Variants in ANKRD44 observed in about 807,000 individuals in gnomAD.
ANKRD44 encodes the protein ankyrin repeat domain 44.
In ANKRD44, 35 loss-of-function variants were observed where a neutral mutation model predicts 116.0. The ratio of observed to expected loss-of-function variants is 0.30; its 90% CI spans 0.23 to 0.40. ANKRD44 has a LOEUF of 0.40. Among genes scored for constraint, ANKRD44 ranks in the 10% least tolerant of loss-of-function variants. The probability of loss-of-function intolerance (pLI) is 1.00; values close to 1 mark genes in which losing one functional copy is unlikely to be tolerated. For synonymous variants in ANKRD44, 435 were observed against 461.8 expected, an observed-to-expected ratio of 0.94 and a Z score of 0.74; for missense variants, 1,014 against 1,242.6, an observed-to-expected ratio of 0.82 and a Z score of 2.77.
intron 1 of ANKRD44, among the ~76,000 whole-genome samples, chr2:197,260,184 T>C: frequency 6.6e-6 from 1 of 152,146 alleles, no homozygotes; most frequent in Non-Finnish European, 1.5e-5. Flanking sequence ...GCTGCACCCA[T>C]TAACTCGTCA....
intron 23 of ANKRD44, among the ~76,000 whole-genome samples, chr2:197,000,215 T>C (rs1234377041): frequency 6.6e-6 from 1 of 152,062 alleles, no homozygotes; most frequent in Admixed American, 6.5e-5. Context: ...TAAATAACAG[T>C]GTATAGTAGC....
Position 196,979,554 on chromosome 2 carries a change from CTTTTTTT to C in ANKRD44, c.2369-12115_2369-12109del, listed in dbSNP as rs71012942. ...CAGCCTGAGTAATTTAATAAGATGA[CTTTTTTT>C]TTTTTTTTTTTTTTTTTTTAAGACA... On this transcript the variant is annotated intron_variant, in intron 21 of 21. Coordinates refer to the ANKRD44 transcript ENST00000424317. Among the ~76,000 whole-genome samples, 13 of 59,636 alleles carry C rather than the reference CTTTTTTT, an allele frequency of 2.2e-4. No individual in the cohort carries two copies. The East Asian group carries it at 3.9e-3, about 18-fold the overall frequency. 39.1% of individuals were successfully genotyped at this position (59,636 alleles called of 152,430 possible). A position where few individuals can be genotyped will look rare whatever the true frequency, so the allele number is the denominator to read the frequency against.
intron 1 of ANKRD44, chr2:197,198,977 C>T (rs1351726482): frequency 1.3e-5 from 2 of 152,230 alleles, no homozygotes; most frequent in Admixed American, 1.3e-4. Context: ...GGAAGTTCTG[C>T]AGCACTGGCT....
At chr2:197,246,232 G>A (rs2082187663) in intron 1 of ANKRD44, among the ~76,000 whole-genome samples, 1 of 151,762 alleles carries the variant, frequency 6.6e-6, no homozygotes. Flanking sequence ...TGTCACCCAG[G>A]CTGGAGTACA....
At chr2:197,241,919 T>C (rs1033535812) in intron 1 of ANKRD44, among the ~76,000 whole-genome samples, 14 of 152,164 alleles carry the variant, frequency 9.2e-5, no homozygotes, top group African/African-American at 3.4e-4. Flanking sequence ...ACAATATTAA[T>C]CTTAAAAATA....
intron 1 of ANKRD44, among the ~76,000 whole-genome samples, chr2:197,287,694 G>A (rs1354030275): frequency 6.6e-6 from 1 of 152,074 alleles, no homozygotes; most frequent in African/African-American, 2.4e-5. Flanking sequence ...GAGATCTGGG[G>A]ACTTCTTAGC....
downstream of ANKRD44, among the ~76,000 whole-genome samples, chr2:196,984,268 TATAA>T (rs1386536419): frequency 6.6e-6 from 1 of 152,102 alleles, no homozygotes; most frequent in African/African-American, 2.4e-5. Context: ...CGCTTGGAAC[TATAA>T]ATACTCTAGT....
chr2:197,247,691 G>A (rs1374089493), intron 1 of ANKRD44, among the ~76,000 whole-genome samples: 2 of 152,102 alleles, frequency 1.3e-5, no homozygotes, highest in Admixed American at 6.5e-5. Flanking sequence ...AAAGATGATG[G>A]GAACACCCAA....
intron 1 of ANKRD44, among the ~76,000 whole-genome samples, chr2:197,249,954 G>A (rs2082279568): frequency 6.6e-6 from 1 of 152,192 alleles, no homozygotes. Context: ...ATTCTTTGTG[G>A]TGGCATAATT....
chr2:197,255,547 G>T (rs1234910845), intron 1 of ANKRD44, among the ~76,000 whole-genome samples: 4 of 152,232 alleles, frequency 2.6e-5, no homozygotes, highest in African/African-American at 9.6e-5. Context: ...AACATGACTT[G>T]CATTAAACAT....
intron 1 of ANKRD44, among the ~76,000 whole-genome samples, chr2:197,309,660 C>T (rs2084182162): frequency 6.6e-6 from 1 of 152,138 alleles, no homozygotes; most frequent in Admixed American, 6.5e-5. Context: ...CTTTCACTAC[C>T]CACGAATAAA....
chr2:197,111,395 C>A (rs1292037753), intron 8 of ANKRD44, among the ~76,000 whole-genome samples: 1 of 152,212 alleles, frequency 6.6e-6, no homozygotes, highest in Non-Finnish European at 1.5e-5. Flanking sequence ...GTAATCCCAG[C>A]ACTTTGGGAG....
At chr2:197,206,738 A>G (rs924870295) in intron 1 of ANKRD44, among the ~76,000 whole-genome samples, 2 of 152,178 alleles carry the variant, frequency 1.3e-5, no homozygotes, top group Non-Finnish European at 2.9e-5. Context: ...AACAAAAAGC[A>G]TTTTGGTTGA....
rs781752269 is a variant in ANKRD44 at position 196,989,013 on chromosome 2, G to A, written c.*578C>T. 1 of 985,332 alleles carries A rather than the reference G, an allele frequency of 1.0e-6. No homozygotes were observed. The highest frequency in any genetic ancestry group is 1.7e-5 in the African/African-American group (1 of 57,226). The allele number at this position is 985,332 out of a possible 1,614,324, so 61.0% of individuals were successfully genotyped here. ...TACAGACTGTGGCTGAGCAGTAGAA[G>A]ATGCGTAGCCCTCTCTAACCAACGC... On this transcript the variant is annotated 3_prime_UTR_variant, in exon 28 of 28. Coordinates refer to ENST00000282272, the MANE Select transcript of ANKRD44 (RefSeq NM_001195144.2).
intron 1 of ANKRD44, among the ~76,000 whole-genome samples, chr2:197,283,455 C>T (rs1231674393): frequency 6.6e-6 from 1 of 152,112 alleles, no homozygotes; most frequent in Non-Finnish European, 1.5e-5. Context: ...CCATATAAAG[C>T]AATTTCCATA....
chr2:197,125,892 G>C lies in ANKRD44; in HGVS notation c.407C>G (p.Ser136Cys). 4.3e-6 allele frequency: 7 copies of C among 1,614,222 alleles called. No individual in the cohort carries two copies. Among genetic ancestry groups the C allele is most frequent in the Non-Finnish European group, 5.9e-6 (7 of 1,180,042 alleles). The change falls in exon 5 of 28, where the codon TCC becomes TGC. Residue 136 changes from serine (S) to cysteine (C), a missense_variant. Transcript: ENST00000282272. ...CAAGGCTGTGCGCCCCCCTCGGTCG[G>C]AGACATTGACACTGCTCAGCAGGGG... ...IIPLLSSVNV[S>C]DRGGRTALHH...
chr2:197,083,504 G>C lies in ANKRD44; in HGVS notation c.1322C>G (p.Pro441Arg), dbSNP rs1409549692. The change falls in exon 14 of 28, where the codon CCT (proline) becomes CGT (arginine). Residue 441 changes from proline to arginine, a missense_variant. By Grantham distance (103) the Pro-to-Arg change is moderately radical. Transcript: ENST00000282272. Reference sequence around the variant, plus strand: ...ACAATTCGCAGCTGCATAGTGCAAAGGGGTCCTGAAAAACAAACAGCAATT... The same window carrying C: ...ACAATTCGCAGCTGCATAGTGCAAACGGGTCCTGAAAAACAAACAGCAATT... ...FHKKDKCGRT[P>R]LHYAAANCHF... The C allele has an allele frequency of 1.2e-6, 2 of 1,610,750 alleles. No individual in the cohort carries two copies. Among genetic ancestry groups the C allele is most frequent in the Non-Finnish European group, 1.7e-6 (2 of 1,178,360 alleles).
intron 10 of ANKRD44, among the ~76,000 whole-genome samples, chr2:197,093,953 T>C (rs555682475): frequency 6.6e-6 from 1 of 152,348 alleles, no homozygotes; most frequent in Non-Finnish European, 1.5e-5. Context: ...TGACCAGTCA[T>C]TGAATTAATG....
At chr2:197,087,168 A>G (rs1471272972) in intron 12 of ANKRD44, among the ~76,000 whole-genome samples, 2 of 152,206 alleles carry the variant, frequency 1.3e-5, no homozygotes, top group Non-Finnish European at 2.9e-5. Flanking sequence ...GTTACCTTCT[A>G]TCACAGCAGA....
Sources: allele counts gnomAD v4.1 joint callset (sites outside exome capture counted in the v4.1 genomes callset), GRCh38; gene constraint gnomAD v4.1.1; transcripts MANE v1.5; gene names NCBI Gene and HGNC (gene_info 2026-07-23, HGNC 2026-07-21).